The following DDX19A variants were observed in gnomAD, a reference collection of about 807,000 sequenced individuals.
DDX19A encodes the protein DEAD-box helicase 19A.
A neutral mutation model predicts 60.6 loss-of-function variants in DDX19A; 12 were observed. The ratio of observed to expected loss-of-function variants is 0.20; its 90% confidence interval spans 0.13 to 0.32. DDX19A has a LOEUF of 0.32. DDX19A is among the 10% of genes least tolerant of loss of function. The probability of loss-of-function intolerance (pLI) is 1.00; values close to 1 mark genes in which losing one functional copy is unlikely to be tolerated. For synonymous variants in DDX19A, 206 were observed against 218.2 expected (o/e 0.94, Z 0.49); for missense variants, 337 against 600.6 (o/e 0.56, Z 4.59).
intron 1 of DDX19A, among the ~76,000 whole-genome samples, chr16:70,349,201 T>C (rs1963938953): frequency 6.6e-6 from 1 of 152,180 alleles, no homozygotes; most frequent in African/African-American, 2.4e-5. Context: ...TTCCAAGTTA[T>C]CTCCCAATGG....
intron 4 of DDX19A, chr16:70,356,905 A>T (rs1156562088): frequency 2.4e-6 from 3 of 1,259,408 alleles, no homozygotes; most frequent in Non-Finnish European, 3.1e-6. Flanking sequence ...ATTTCTGATT[A>T]GGTAAGCCCT....
chr16:70,365,927 TC>T, intron 7 of DDX19A, 157 bp from the exon 8 acceptor site: 8 of 1,102,048 alleles, frequency 7.3e-6, no homozygotes, highest in Middle Eastern at 2.5e-4. Flanking sequence ...TCTGCCCACT[TC>T]ACAGCAGAAG....
At position 70,357,366 on chromosome 16, in the gene DDX19A, G is replaced by GTTTTT. The variant is rs71151183; in HGVS notation, c.293+1151_293+1155dup. Reference sequence around the variant, plus strand: ...AATCTGTCAAATCTGTTTTTGGTTTGTTTTTTTTTTTTTTTTTTTTTTTTT... The same window carrying GTTTTT: ...AATCTGTCAAATCTGTTTTTGGTTTGTTTTTTTTTTTTTTTTTTTTTTTTTTTTTT... On this transcript the variant is annotated intron_variant, in intron 4 of 11. Transcript: ENST00000302243. 6.1e-3 allele frequency among the ~76,000 whole-genome samples: 270 copies of GTTTTT among 44,578 alleles called. 98 individuals carry two copies. The highest frequency in any genetic ancestry group is 7.8e-3 in the Non-Finnish European group (189 of 24,370). 29.2% of individuals were successfully genotyped at this position (44,578 alleles called of 152,430 possible).
At chr16:70,352,394 C>G (rs1261976633) in intron 2 of DDX19A, among the ~76,000 whole-genome samples, 1 of 151,174 alleles carries the variant, frequency 6.6e-6, no homozygotes, top group Non-Finnish European at 1.5e-5. Flanking sequence ...AAGCGATTCT[C>G]CTGCCTCGGC....
chr16:70,370,950 G>A (rs576154394), intron 10 of DDX19A: 47 of 261,224 alleles, frequency 1.8e-4, no homozygotes, highest in South Asian at 2.7e-4. Flanking sequence ...GAGTGAGATC[G>A]CGCCATTGCA....
At chr16:70,356,769 G>A (rs187323772) in intron 4 of DDX19A, 3 of 714,590 alleles carry the variant, frequency 4.2e-6, no homozygotes, top group African/African-American at 3.8e-5. Context: ...TGGCTATCCT[G>A]TTCTCTTGGT....
chr16:70,369,585 T>C (rs1056596533), intron 9 of DDX19A, among the ~76,000 whole-genome samples: 7 of 151,966 alleles, frequency 4.6e-5, no homozygotes, highest in East Asian at 3.9e-4. Flanking sequence ...TTAAATATTT[T>C]TGTGGTATAA....
chr16:70,368,134 G>A (rs945762846), intron 9 of DDX19A, among the ~76,000 whole-genome samples: 4 of 152,160 alleles, frequency 2.6e-5, no homozygotes, highest in Admixed American at 1.3e-4. Context: ...CTGTGATCAC[G>A]CCACTGCACT....
Position 70,361,393 on chromosome 16 carries a change from A to G in DDX19A, c.294-25A>G, listed in dbSNP as rs751756887. 4 of 1,555,522 alleles carry G rather than the reference A, an allele frequency of 2.6e-6. No homozygotes were observed. In the African/African-American group the frequency reaches 4.1e-5, roughly 16 times the overall value. On this transcript the variant is annotated intron_variant, in intron 4 of 11. Transcript: ENST00000302243. ...AAACAATTCTAACTTCTAGGCATCC[A>G]TCCTCTGTCTTCCTGGCTTCCTAGG...
chr16:70,365,048 C>T lies in DDX19A; in HGVS notation c.521C>T (p.Ala174Val), dbSNP rs751113198. The change falls in exon 7 of 12, where the codon GCG becomes GTG. Residue 174 changes from alanine (A) to valine (V), a missense_variant. Around this residue, in one of 6 missense-constraint regions of DDX19A, gnomAD observed 62 missense variants for 75.7 expected, o/e 0.82. Coordinates refer to ENST00000302243, the MANE Select transcript of DDX19A (RefSeq NM_018332.5). ...CLCLSPTYEL[A>V]LQTGKVIEQM... Reference sequence around the variant, plus strand: ...TGCCTCTCCCCAACATATGAGCTGGCGCTTCAAACAGGAAAAGTGATTGAG... The same window carrying T: ...TGCCTCTCCCCAACATATGAGCTGGTGCTTCAAACAGGAAAAGTGATTGAG... 9 of 1,613,998 alleles carry T rather than the reference C, an allele frequency of 5.6e-6. No homozygotes were observed. The highest frequency in any genetic ancestry group is 5.0e-5 in the Admixed American group (3 of 59,972).
At chr16:70,371,277 A>G in intron 10 of DDX19A, 95 bp from the exon 11 acceptor site, 1 of 1,609,430 alleles carries the variant, frequency 6.2e-7, no homozygotes, top group South Asian at 1.1e-5. Context: ...CTTTCCCTCT[A>G]TCCCAAAGTT....
At chr16:70,354,206 C>T (rs1964116822) in intron 2 of DDX19A, among the ~76,000 whole-genome samples, 1 of 151,476 alleles carries the variant, frequency 6.6e-6, no homozygotes. Context: ...AGTGCAATGG[C>T]GTAATCTCAG....
rs571921407 is a variant in DDX19A, at chr16:70,372,056, C to A, written c.*70C>A. ...ACAGGAGACAAGTGCATTTAGGGCA[C>A]AGGCCCCGACATCACCCCAAGGACA... On this transcript the variant is annotated 3_prime_UTR_variant, in exon 12 of 12. Transcript: ENST00000302243. 1.9e-6 allele frequency: 3 copies of A among 1,609,174 alleles called. No homozygotes were observed. In the African/African-American group the frequency reaches 4.0e-5, roughly 22 times the overall value.
intron 10 of DDX19A, chr16:70,371,145 G>T: frequency 1.4e-6 from 1 of 718,772 alleles, no homozygotes; most frequent in South Asian, 1.9e-5. Context: ...TCTCCCAGAG[G>T]ATTACCGACT....
At chr16:70,350,699 G>T (rs765057051) in intron 2 of DDX19A, 94 bp downstream of exon 2, 2 of 924,270 alleles carry the variant, frequency 2.2e-6, no homozygotes, top group East Asian at 2.5e-5. Flanking sequence ...GTCATTTCGT[G>T]TAAACTTCAG....
chr16:70,354,186 C>T (rs867967518), intron 2 of DDX19A, among the ~76,000 whole-genome samples: 17 of 151,526 alleles, frequency 1.1e-4, no homozygotes, highest in South Asian at 8.3e-4. Flanking sequence ...GCTCTTGTTG[C>T]CCAGGCTGGA....
chr16:70,356,844 A>G (rs1964204723), intron 4 of DDX19A: 1 of 1,254,086 alleles, frequency 8.0e-7, no homozygotes, highest in Admixed American at 2.7e-5. Context: ...TTATACTCTT[A>G]GAACTTTCAA....
Position 70,366,791 on chromosome 16 carries a change from A to C in DDX19A, c.950A>C (p.Asp317Ala), listed in dbSNP as rs529911319. The C allele has an allele frequency of 6.2e-7, 1 of 1,614,172 alleles. No homozygotes were observed. The highest frequency in any genetic ancestry group is 1.1e-5 in the South Asian group (1 of 91,082). Residue 317 changes from aspartate (D) to alanine (A), a missense_variant, in exon 9 of 12, where the codon GAC (aspartate) becomes GCC (alanine). Transcript: ENST00000302243. Reference protein sequence around the residue: ...KQYYVLCSSRDEKFQALCNLY... With the variant: ...KQYYVLCSSRAEKFQALCNLY... ...TACTATGTCCTGTGCAGCAGCAGAG[A>C]CGAGAAGTTCCAGGCCTTGTGTAAC...
chr16:70,353,282 A>C (rs1964082859), intron 2 of DDX19A, among the ~76,000 whole-genome samples: 1 of 151,618 alleles, frequency 6.6e-6, no homozygotes, highest in East Asian at 2.0e-4. Context: ...TGCCCAGCTA[A>C]TTTTTTGTAT....
Sources: allele counts gnomAD v4.1 joint callset (sites outside exome capture counted in the v4.1 genomes callset), GRCh38; gene constraint gnomAD v4.1.1; regional missense constraint gnomAD v4.1.1; transcripts MANE v1.5; gene names NCBI Gene and HGNC (gene_info 2026-07-23, HGNC 2026-07-21).